Variants in NLRP14 observed in about 807,000 individuals in gnomAD.
NLRP14 encodes NLR family pyrin domain containing 14, also known as NACHT, LRR and PYD domains-containing protein 14.
A neutral mutation model predicts 94.7 loss-of-function variants in NLRP14; 105 were observed. The observed-to-expected ratio is 1.11, with a 90% confidence interval of 0.95 to 1.30. The LOEUF is 1.30. Among genes scored for constraint, NLRP14 ranks in the 50% most tolerant of loss-of-function variants. The probability of loss-of-function intolerance (pLI) is 0.00; values close to 1 mark genes in which losing one functional copy is unlikely to be tolerated. For synonymous variants in NLRP14, 508 were observed against 459.9 expected, an observed-to-expected ratio of 1.10 and a Z score of -1.34; for missense variants, 1,362 against 1,254.1, an observed-to-expected ratio of 1.09 and a Z score of -1.30.
intron 6 of NLRP14, among the ~76,000 whole-genome samples, chr11:7,050,409 A>G (rs1272027313): frequency 2.6e-5 from 4 of 152,220 alleles, no homozygotes; most frequent in African/African-American, 4.8e-5. Flanking sequence ...GATGAAAGTG[A>G]AAGGATTAGC....
chr11:7,089,749 G>C, the NLRP14 span: 2 of 1,558,366 alleles, frequency 1.3e-6, no homozygotes, highest in Admixed American at 1.8e-5. Context: ...CTGGGCCCGC[G>C]GGATGAGGGC....
At chr11:7,090,661 A>C in the NLRP14 span, 1 of 334,254 alleles carries the variant, frequency 3.0e-6, no homozygotes. Context: ...GCTCACCTAA[A>C]ATGGAAAAAC....
the NLRP14 span, among the ~76,000 whole-genome samples, chr11:7,083,847 A>G: frequency 6.6e-6 from 1 of 151,316 alleles, no homozygotes; most frequent in African/African-American, 2.4e-5. Context: ...ACCTTAATGC[A>G]CTCCTCCCCA....
chr11:7,078,829 T>C, the NLRP14 span, among the ~76,000 whole-genome samples: 1 of 152,132 alleles, frequency 6.6e-6, no homozygotes, highest in Non-Finnish European at 1.5e-5. Context: ...CAAGGAGGTA[T>C]CCAAATTGGG....
chr11:7,056,515 C>CAAA (rs60703550), intron 6 of NLRP14, among the ~76,000 whole-genome samples: 5,936 of 122,744 alleles, frequency 0.048, 334 homozygotes, highest in East Asian at 0.28. Context: ...AGCACTAATA[C>CAAA]AAAAAAAAAA....
chr11:7,090,150 G>T, the NLRP14 span: 1 of 1,613,792 alleles, frequency 6.2e-7, no homozygotes, highest in Middle Eastern at 1.6e-4. Flanking sequence ...ACACCGGGTG[G>T]GCAGACCAGA....
chr11:7,070,902 C>T (rs1435702890), intron 11 of NLRP14, among the ~76,000 whole-genome samples: 1 of 152,020 alleles, frequency 6.6e-6, no homozygotes, highest in Non-Finnish European at 1.5e-5. Flanking sequence ...ATTAATTTTG[C>T]TTGGATAGCA....
chr11:7,075,970 T>A (rs1852870353), downstream of NLRP14, among the ~76,000 whole-genome samples: 4 of 152,164 alleles, frequency 2.6e-5, no homozygotes, highest in African/African-American at 7.2e-5. Context: ...TTAGCCAAAT[T>A]GAATAAACTT....
At chr11:7,072,936 C>T (rs1565029671), downstream of NLRP14, among the ~76,000 whole-genome samples, 1 of 152,168 alleles carries the variant, frequency 6.6e-6, no homozygotes, top group East Asian at 1.9e-4. Flanking sequence ...CTCCCTTGTC[C>T]TGTTCATTAT....
At position 7,043,136 on chromosome 11, in the gene NLRP14, A is replaced by G; in HGVS notation, c.1110A>G (p.Leu370=). The G allele has an allele frequency of 6.2e-7, 1 of 1,614,110 alleles. No individual in the cohort carries two copies. Residue 370 remains leucine, a synonymous_variant, in exon 4 of 12, where the codon CTA becomes CTG. Coordinates refer to ENST00000299481, the MANE Select transcript of NLRP14 (RefSeq NM_176822.4). ...EMLFSMCQVP[L]VCWAACTCLK... ...TGTTTAGCATGTGCCAAGTCCCCCT[A>G]GTGTGCTGGGCCGCTTGTACTTGTC...
chr11:7,088,218 A>G, the NLRP14 span, among the ~76,000 whole-genome samples: 3 of 152,218 alleles, frequency 2.0e-5, no homozygotes, highest in Non-Finnish European at 2.9e-5. Flanking sequence ...TCAACGAAAA[A>G]CAATGGATAT....
At chr11:7,071,956 A>G (rs969461329), downstream of NLRP14, among the ~76,000 whole-genome samples, 8 of 152,224 alleles carry the variant, frequency 5.3e-5, no homozygotes, top group African/African-American at 1.9e-4. Context: ...AAGGAGGATT[A>G]ATTTCCTTTA....
chr11:7,069,041 G>C (rs1228990858), intron 10 of NLRP14, among the ~76,000 whole-genome samples: 1 of 152,186 alleles, frequency 6.6e-6, no homozygotes, highest in Non-Finnish European at 1.5e-5. Flanking sequence ...CTCAGTTACT[G>C]TGAAAAATGT....
chr11:7,081,778 T>C, the NLRP14 span, among the ~76,000 whole-genome samples: 1 of 152,200 alleles, frequency 6.6e-6, no homozygotes, highest in Non-Finnish European at 1.5e-5. Flanking sequence ...AAAAATTCCC[T>C]AAATCCCACT....
chr11:7,056,634 G>A (rs1158915787), intron 6 of NLRP14, among the ~76,000 whole-genome samples: 1 of 151,434 alleles, frequency 6.6e-6, no homozygotes, highest in East Asian at 1.9e-4. Flanking sequence ...AATGTTTTCA[G>A]TACCATTTTT....
chr11:7,039,013 G>T, intron 2 of NLRP14, 138 bp downstream of exon 2: 1 of 774,010 alleles, frequency 1.3e-6, no homozygotes, highest in Non-Finnish European at 2.0e-6. Context: ...CTTGTGCATG[G>T]GGAGCTTGTT....
chr11:7,034,261 A>G (rs978559915), intron 1 of NLRP14, among the ~76,000 whole-genome samples: 1 of 152,220 alleles, frequency 6.6e-6, no homozygotes, highest in East Asian at 1.9e-4. Flanking sequence ...ACTTTGGGCT[A>G]TAATCCAATA....
At chr11:7,035,785 G>T (rs1383612777) in intron 1 of NLRP14, among the ~76,000 whole-genome samples, 1 of 152,156 alleles carries the variant, frequency 6.6e-6, no homozygotes, top group East Asian at 1.9e-4. Flanking sequence ...GCTATATTTA[G>T]AGGTCTTCCT....
chr11:7,072,415 G>A (rs1019682181), downstream of NLRP14, among the ~76,000 whole-genome samples: 2 of 152,238 alleles, frequency 1.3e-5, no homozygotes, highest in African/African-American at 4.8e-5. Context: ...GCAGAAGTAG[G>A]TTTAAAGCAG....
Sources: allele counts gnomAD v4.1 joint callset (sites outside exome capture counted in the v4.1 genomes callset), GRCh38; gene constraint gnomAD v4.1.1; transcripts MANE v1.5; gene names NCBI Gene and HGNC (gene_info 2026-07-23, HGNC 2026-07-21).